SLC9C1: variants seen among roughly 807,000 people sequenced by gnomAD.
SLC9C1 encodes sodium/hydrogen exchanger 10.
In SLC9C1, 97 loss-of-function variants were observed where a neutral mutation model predicts 140.9. The ratio of observed to expected loss-of-function variants is 0.69; its 90% CI spans 0.58 to 0.82. The LOEUF is 0.82. SLC9C1 is among the 40% of genes least tolerant of loss of function. The pLI, the probability that SLC9C1 is intolerant of heterozygous loss-of-function variation, is 0.00. For missense variants in SLC9C1, 1,340 were observed against 1,389.3 expected, an observed-to-expected ratio of 0.96 and a Z score of 0.56; for synonymous variants, 440 against 442.6, an observed-to-expected ratio of 0.99 and a Z score of 0.07.
chr3:112,270,559 C>T (rs1339837074), intron 6 of SLC9C1, among the ~76,000 whole-genome samples: 2 of 152,254 alleles, frequency 1.3e-5, no homozygotes, highest in Non-Finnish European at 2.9e-5. Context: ...ATAATCCCAG[C>T]ACTTACAATC....
rs867052236 is a variant in SLC9C1 at position 112,168,194 on chromosome 3, A to T, written c.3237+683T>A. Among the ~76,000 whole-genome samples the T allele has an allele frequency of 2.8e-4, 42 of 152,192 alleles. 1 individual carries two copies. In the Middle Eastern group the frequency reaches 0.017, roughly 62 times the overall value. ...CATTTTTTTTATCATTTCAATATATAGCACTGTATTCCAGCATATTTTAAA... is the reference window on the plus strand; with the variant it reads ...CATTTTTTTTATCATTTCAATATATTGCACTGTATTCCAGCATATTTTAAA... On this transcript the variant is annotated intron_variant, in intron 25 of 28. Coordinates refer to ENST00000305815, the MANE Select transcript of SLC9C1 (RefSeq NM_183061.3).
intron 10 of SLC9C1, among the ~76,000 whole-genome samples, chr3:112,248,543 T>C (rs2079357648): frequency 6.6e-6 from 1 of 152,188 alleles, no homozygotes. Context: ...GTTGCTAGTA[T>C]ATAAAAATAT....
chr3:112,151,896 T>C lies in SLC9C1; in HGVS notation c.3485A>G (p.Asn1162Ser), dbSNP rs2107855526. The C allele has an allele frequency of 6.2e-7, 1 of 1,611,048 alleles. No homozygotes were observed. Among genetic ancestry groups the C allele is most frequent in the Non-Finnish European group, 8.5e-7 (1 of 1,179,160 alleles). The change falls in exon 28 of 29, where the codon AAC (asparagine) becomes AGC (serine). Residue 1162 changes from asparagine (N) to serine (S), a missense_variant. By Grantham distance (46) the Asn-to-Ser change is conservative. Transcript: ENST00000305815. Reference sequence around the variant, plus strand: ...GTTTATTCTAGGGGACTCCTTACAGTTGAACTTTGTCCCCAGCAGGGAGCA... The same window carrying C: ...GTTTATTCTAGGGGACTCCTTACAGCTGAACTTTGTCCCCAGCAGGGAGCA... ...QPCSLLGTKF[N>S]CKESPRINLR...
At chr3:112,273,220 G>T (rs1193947578) in intron 6 of SLC9C1, among the ~76,000 whole-genome samples, 1 of 151,940 alleles carries the variant, frequency 6.6e-6, no homozygotes, top group Admixed American at 6.6e-5. Flanking sequence ...CTTCAGGAAG[G>T]TCATAGCTAT....
At chr3:112,218,150 A>C (rs2078436631) in intron 14 of SLC9C1, among the ~76,000 whole-genome samples, 1 of 149,142 alleles carries the variant, frequency 6.7e-6, no homozygotes, top group Non-Finnish European at 1.5e-5. Context: ...CACTTGTCCC[A>C]AGTTTTCTGT....
At chr3:112,269,802 C>G in intron 7 of SLC9C1, 114 bp downstream of exon 7, 1 of 741,330 alleles carries the variant, frequency 1.3e-6, no homozygotes, top group Non-Finnish European at 1.9e-6. Flanking sequence ...TAAAAATATT[C>G]TGTCTAGATC....
chr3:112,228,738 T>C (rs1327311587), intron 13 of SLC9C1, among the ~76,000 whole-genome samples: 1 of 152,040 alleles, frequency 6.6e-6, no homozygotes, highest in East Asian at 1.9e-4. Context: ...AGGATCTGAA[T>C]AGACATTTCT....
At chr3:112,152,047 C>T (rs532066468) in intron 27 of SLC9C1, 84 bp from the exon 28 acceptor site, 36 of 1,034,162 alleles carry the variant, frequency 3.5e-5, no homozygotes, top group South Asian at 3.0e-4. Context: ...GGGTATTTCT[C>T]GCAAGGTGGA....
chr3:112,278,522 T>C (rs1231706334), intron 4 of SLC9C1, among the ~76,000 whole-genome samples: 3 of 152,206 alleles, frequency 2.0e-5, no homozygotes, highest in Non-Finnish European at 2.9e-5. Context: ...AATTACTGTT[T>C]TCTTTCTAAT....
At chr3:112,159,470 T>C (rs980038902) in intron 26 of SLC9C1, among the ~76,000 whole-genome samples, 1 of 152,140 alleles carries the variant, frequency 6.6e-6, no homozygotes, top group Non-Finnish European at 1.5e-5. Context: ...AGACTTGTTT[T>C]GTGGCTTAAC....
intron 10 of SLC9C1, among the ~76,000 whole-genome samples, chr3:112,244,881 C>A (rs2079236847): frequency 6.6e-6 from 1 of 152,162 alleles, no homozygotes; most frequent in African/African-American, 2.4e-5. Flanking sequence ...GAGGTCCCCA[C>A]TGAATATTCT....
chr3:112,263,957 A>G (rs1441725047), intron 9 of SLC9C1, among the ~76,000 whole-genome samples: 1 of 151,848 alleles, frequency 6.6e-6, no homozygotes, highest in African/African-American at 2.4e-5. Context: ...CATTACAAAA[A>G]CATTGGACAA....
chr3:112,181,875 G>A (rs1228116988), intron 21 of SLC9C1, among the ~76,000 whole-genome samples: 4 of 152,136 alleles, frequency 2.6e-5, no homozygotes, highest in Non-Finnish European at 5.9e-5. Context: ...TAATGTGCAT[G>A]GAACACCATG....
intron 26 of SLC9C1, among the ~76,000 whole-genome samples, chr3:112,156,254 T>G (rs2075124715): frequency 6.6e-6 from 1 of 152,166 alleles, no homozygotes; most frequent in South Asian, 2.1e-4. Flanking sequence ...CATGTCGCAT[T>G]TGTCTTTCTG....
chr3:112,240,004 G>C lies in SLC9C1; in HGVS notation c.1282C>G (p.Leu428Val). ...ILPVAVTILGLRDATSTKYKS... is the reference protein window; with the variant it reads ...ILPVAVTILGVRDATSTKYKS... ...TATTTTGTTGATGTGGCATCACGAAGACCTTTGATACAAACACACATTTGA... is the reference window on the plus strand; with the variant it reads ...TATTTTGTTGATGTGGCATCACGAACACCTTTGATACAAACACACATTTGA... Residue 428 changes from leucine to valine, a missense_variant and splice_region_variant, in exon 12 of 29, where the codon CTT (leucine) becomes GTT (valine). Transcript: ENST00000305815. The C allele has an allele frequency of 1.2e-6, 2 of 1,610,036 alleles. No individual in the cohort carries two copies. The highest frequency in any genetic ancestry group is 1.7e-6 in the Non-Finnish European group (2 of 1,178,122).
At chr3:112,160,630 T>C (rs965579008) in intron 26 of SLC9C1, among the ~76,000 whole-genome samples, 3 of 151,664 alleles carry the variant, frequency 2.0e-5, no homozygotes, top group African/African-American at 4.8e-5. Flanking sequence ...TAGTATTCCA[T>C]GGTGTATATG....
intron 14 of SLC9C1, among the ~76,000 whole-genome samples, chr3:112,218,325 T>G (rs1358081694): frequency 6.6e-6 from 1 of 152,130 alleles, no homozygotes; most frequent in Non-Finnish European, 1.5e-5. Flanking sequence ...GCTCTGCCCT[T>G]GGATGTGAGG....
chr3:112,167,267 T>G lies in SLC9C1; in HGVS notation c.3318A>C (p.Arg1106Ser), dbSNP rs746542950. The change falls in exon 26 of 29, where the codon AGA (arginine) becomes AGC (serine). Residue 1106 changes from arginine to serine, a missense_variant. Transcript: ENST00000305815. ...AACTTTTATGTTTAGGAACAAACTT[T>G]CTAATATTCCTTCTGAATGTTTTCA... ...INMKTFRRNI[R>S]KFVPKHKSYL... 6.2e-7 allele frequency: 1 copy of G among 1,609,820 alleles called. No homozygotes were observed. Among genetic ancestry groups the G allele is most frequent in the Non-Finnish European group, 8.5e-7 (1 of 1,178,300 alleles).
chr3:112,200,207 C>T lies in SLC9C1; in HGVS notation c.2374+504G>A, dbSNP rs186388646. 1.1e-4 allele frequency among the ~76,000 whole-genome samples: 16 copies of T among 152,142 alleles called. No homozygotes were observed. The East Asian group carries it at 2.7e-3, about 26-fold the overall frequency. On this transcript the variant is annotated intron_variant, in intron 19 of 28. Transcript: ENST00000305815. ...CTTAAGATTTGTCCTGCACCAGGAG[C>T]GTGACTTGGCATGACTCAGAGAATA...
Sources: allele counts gnomAD v4.1 joint callset (sites outside exome capture counted in the v4.1 genomes callset), GRCh38; gene constraint gnomAD v4.1.1; transcripts MANE v1.5; gene names NCBI Gene and HGNC (gene_info 2026-07-23, HGNC 2026-07-21).